Variants in CNOT3 observed in about 807,000 individuals in gnomAD.
CNOT3 encodes the protein CCR4-NOT transcription complex subunit 3, also known as CCR4-associated factor 3.
In CNOT3, 2 loss-of-function variants were observed where a neutral mutation model predicts 89.4. That is an observed-to-expected ratio of 0.02 (90% confidence interval 0.01 to 0.07). The LOEUF (loss-of-function observed/expected upper bound fraction) is 0.07, where lower values mean the gene tolerates loss of function less well. Ranked by LOEUF, CNOT3 falls within the 10% of genes least tolerant of loss-of-function variation. The probability of loss-of-function intolerance (pLI) is 1.00; values close to 1 mark genes in which losing one functional copy is unlikely to be tolerated. For synonymous variants in CNOT3, 486 were observed against 402.0 expected (o/e 1.21, Z -2.50); for missense variants, 664 against 1,010.2 (o/e 0.66, Z 4.65).
Position 54,148,599 on chromosome 19 carries a change from C to A in CNOT3, c.1283-21C>A. On this transcript the variant is annotated intron_variant, in intron 11 of 17. Transcript: ENST00000221232. This position sits in a 1 kb window ranked among gnomAD's most constrained non-coding sequence, Gnocchi z 6.3. ...GCTGGGCAGCAGGCAGCAGCCCTTT[C>A]CATTTACTCTTTGTTCCCAGGTTAC... 6.2e-7 allele frequency: 1 copy of A among 1,605,688 alleles called. No homozygotes were observed. Among genetic ancestry groups the A allele is most frequent in the South Asian group, 1.1e-5 (1 of 89,860 alleles).
rs1178087717 is a variant in CNOT3 at position 54,144,424 on chromosome 19, T to C, written c.483+92T>C. On this transcript the variant is annotated intron_variant, in intron 7 of 17. Coordinates refer to ENST00000221232, the MANE Select transcript of CNOT3 (RefSeq NM_014516.4). This position sits in a 1 kb window ranked among gnomAD's most constrained non-coding sequence, Gnocchi z 4.8. Reference sequence around the variant, plus strand: ...GCCAGTCATTTATGCTCCTGGGAGTTGGGGCCTGGATTCCTCAGGCGGACA... The same window carrying C: ...GCCAGTCATTTATGCTCCTGGGAGTCGGGGCCTGGATTCCTCAGGCGGACA... The C allele has an allele frequency of 5.3e-6, 5 of 940,172 alleles. No individual in the cohort carries two copies. Among genetic ancestry groups the C allele is most frequent in the Admixed American group, 2.0e-5 (1 of 50,578 alleles). 58.2% of individuals were successfully genotyped at this position (940,172 alleles called of 1,614,324 possible).
Position 54,142,949 on chromosome 19 carries a change from T to G in CNOT3, c.-30T>G. On this transcript the variant is annotated 5_prime_UTR_variant, in exon 2 of 18. It removes an upstream start codon present in the reference 5' UTR. Coordinates refer to ENST00000221232, the MANE Select transcript of CNOT3 (RefSeq NM_014516.4). ...AGCAGCGTCCGTCTCCAAGAGAGTA[T>G]GAAGAGAGTGCGTCTGTAGGGCAGG... 1 of 1,612,590 alleles carries G rather than the reference T, an allele frequency of 6.2e-7. No individual in the cohort carries two copies. Among genetic ancestry groups the G allele is most frequent in the Non-Finnish European group, 8.5e-7 (1 of 1,178,852 alleles).
intron 17 of CNOT3, chr19:54,155,011 C>T (rs1302010365): frequency 4.2e-6 from 2 of 476,708 alleles, no homozygotes; most frequent in Non-Finnish European, 7.5e-6. Context: ...TCAAAAGCCA[C>T]AGCCCTCGAG....
intron 1 of CNOT3, 52 bp from the exon 2 acceptor site, chr19:54,142,877 T>C (rs2074509882): frequency 8.0e-7 from 1 of 1,252,130 alleles, no homozygotes; most frequent in East Asian, 2.3e-5. Flanking sequence ...TGTCTCTGGG[T>C]TTTTACCAGC....
At chr19:54,143,230 G>C (rs1440074821) in intron 3 of CNOT3, 44 bp downstream of exon 3, 16 of 1,571,912 alleles carry the variant, frequency 1.0e-5, no homozygotes, top group African/African-American at 1.4e-5. Context: ...TCAGAGAGGA[G>C]GGCACAGGAA....
At position 54,155,406 on chromosome 19, in the gene CNOT3, G is replaced by T. The variant is rs1289689196; in HGVS notation, c.2261G>T (p.Ter754LeuextTer20). ...YRYLEDRDLQ[*>L] ...TACCTGGAGGACCGGGACCTCCAGT[G>T]ACACCGGCCCCTCCCTCTACCCACC... Residue 754 changes from the stop codon to leucine, a stop_lost, in exon 18 of 18, where the codon TGA becomes TTA. Coordinates refer to ENST00000221232, the MANE Select transcript of CNOT3 (RefSeq NM_014516.4). The T allele has an allele frequency of 6.3e-7, 1 of 1,591,152 alleles. No homozygotes were observed. Among genetic ancestry groups the T allele is most frequent in the Non-Finnish European group, 8.6e-7 (1 of 1,164,398 alleles).
chr19:54,138,405 T>C (rs2074306840), intron 1 of CNOT3, among the ~76,000 whole-genome samples: 1 of 152,074 alleles, frequency 6.6e-6, no homozygotes, highest in Non-Finnish European at 1.5e-5. Context: ...TGGTCCCAGG[T>C]GCCCGCCCTC....
intron 13 of CNOT3, among the ~76,000 whole-genome samples, chr19:54,150,432 G>A (rs1309094998): frequency 1.3e-5 from 2 of 152,208 alleles, no homozygotes; most frequent in African/African-American, 4.8e-5. Flanking sequence ...AGGAGACAGT[G>A]CCACCAGCTG....
intron 13 of CNOT3, among the ~76,000 whole-genome samples, chr19:54,150,625 C>T (rs587766252): frequency 7.7e-5 from 10 of 129,074 alleles, no homozygotes; most frequent in African/African-American, 1.2e-4. Context: ...AGGCAGTGTG[C>T]GCGCCCAGGC....
chr19:54,150,852 G>T (rs2075054589), intron 13 of CNOT3, among the ~76,000 whole-genome samples: 1 of 151,530 alleles, frequency 6.6e-6, no homozygotes, highest in Non-Finnish European at 1.5e-5. Flanking sequence ...GTGCAGTGGT[G>T]CAATCTCAGC....
rs770687247 is a variant in CNOT3, at chr19:54,153,317, C to T, written c.2037+318C>T. The stretch of plus-strand genomic sequence containing the variant: ...CTCCAGCAGCCCCAGTCTAGGCCGA[C>T]CCCACTCTGCTCATTGGCACATTCT... On this transcript the variant is annotated intron_variant, in intron 16 of 17. Transcript: ENST00000221232. 7 of 762,036 alleles carry T rather than the reference C, an allele frequency of 9.2e-6. No homozygotes were observed. In the South Asian group the frequency reaches 9.5e-5, roughly 10 times the overall value. 47.2% of individuals were successfully genotyped at this position (762,036 alleles called of 1,614,324 possible).
intron 13 of CNOT3, among the ~76,000 whole-genome samples, chr19:54,151,088 G>C (rs2075072923): frequency 6.6e-6 from 1 of 152,166 alleles, no homozygotes; most frequent in South Asian, 2.1e-4. Flanking sequence ...ACCGTGCCCG[G>C]CCCAAATTTT....
Position 54,148,474 on chromosome 19 carries a change from G to GC in CNOT3, c.1221_1222insC (p.Ser408GlnfsTer5). Reference sequence around the variant, plus strand: ...GAGGCGGCGGCAGCGGAGGCGGAGGGAGCAGCAGCAGTAGTAACAGCAGTG... The same window carrying GC: ...GAGGCGGCGGCAGCGGAGGCGGAGGGCAGCAGCAGCAGTAGTAACAGCAGTG... On this transcript the variant is annotated frameshift_variant, in exon 11 of 18. Coordinates refer to ENST00000221232, the MANE Select transcript of CNOT3 (RefSeq NM_014516.4). LOFTEE classifies it high-confidence loss of function. This position sits in a 1 kb window ranked among gnomAD's most constrained non-coding sequence, Gnocchi z 6.3. 6.4e-7 allele frequency: 1 copy of GC among 1,561,136 alleles called. No homozygotes were observed. Among genetic ancestry groups the GC allele is most frequent in the Admixed American group, 1.8e-5 (1 of 55,920 alleles).
intron 16 of CNOT3, chr19:54,153,210 C>T: frequency 1.3e-6 from 1 of 764,630 alleles, no homozygotes; most frequent in East Asian, 2.4e-5. Flanking sequence ...CTTGGGTTGA[C>T]AGCGAGGCTG....
Position 54,152,956 on chromosome 19 carries a change from G to A in CNOT3, c.1994G>A (p.Arg665His), listed in dbSNP as rs949030155. 4 of 1,608,588 alleles carry A rather than the reference G, an allele frequency of 2.5e-6. No individual in the cohort carries two copies. The highest frequency in any genetic ancestry group is 2.5e-6 in the Non-Finnish European group (3 of 1,176,744). ...TCGGACACTGTGGAATTCTACCAGC[G>A]CCTGTCGACCGAGACACTCTTCTTC... ...PHSDTVEFYQ[R>H]LSTETLFFIF... Residue 665 changes from arginine (R) to histidine (H), a missense_variant, in exon 16 of 18, where the codon CGC (arginine) becomes CAC (histidine). Arg to His is a conservative substitution (Grantham distance 29, BLOSUM62 0). This residue lies in a region of CNOT3 where 15 missense variants were observed against 32.7 expected (regional missense o/e 0.46). Coordinates refer to ENST00000221232, the MANE Select transcript of CNOT3 (RefSeq NM_014516.4).
rs766812378 is a variant in CNOT3 at position 54,143,183 on chromosome 19, G to T, written c.90G>T (p.Gln30His). 6.2e-7 allele frequency: 1 copy of T among 1,613,426 alleles called. No individual in the cohort carries two copies. The highest frequency in any genetic ancestry group is 8.5e-7 in the Non-Finnish European group (1 of 1,179,516). The change falls in exon 3 of 18, where the codon CAG becomes CAT. Residue 30 changes from glutamine to histidine, a missense_variant. By Grantham distance (24) the Gln-to-His change is conservative (BLOSUM62 0). Transcript: ENST00000221232. ...TGGAGCAGTTTGAAGATATTTGGCA[G>T]AAGGTACAGGGGCTGAGACCCTAAT... ...EGVEQFEDIW[Q>H]KLHNAANANQ...
At position 54,143,193 on chromosome 19, in the gene CNOT3, G is replaced by T; in HGVS notation, c.93+7G>T. The T allele has an allele frequency of 1.2e-6, 2 of 1,612,192 alleles. No homozygotes were observed. Among genetic ancestry groups the T allele is most frequent in the Non-Finnish European group, 1.7e-6 (2 of 1,178,490 alleles). The stretch of plus-strand genomic sequence containing the variant: ...TGAAGATATTTGGCAGAAGGTACAG[G>T]GGCTGAGACCCTAATAATCTGGGTC... On this transcript the variant is annotated splice_region_variant and intron_variant, in intron 3 of 17. Coordinates refer to ENST00000221232, the MANE Select transcript of CNOT3 (RefSeq NM_014516.4).
intron 15 of CNOT3, 91 bp from the exon 16 acceptor site, chr19:54,152,776 C>G: frequency 1.2e-6 from 1 of 851,540 alleles, no homozygotes; most frequent in Non-Finnish European, 2.0e-6. Context: ...TTCTGTACCA[C>G]CTCCCCCCGC....
At chr19:54,153,959 A>T in intron 17 of CNOT3, 119 bp downstream of exon 17, 1 of 1,282,692 alleles carries the variant, frequency 7.8e-7, no homozygotes, top group Non-Finnish European at 1.1e-6. Flanking sequence ...GCAGTCCCTC[A>T]GCCTGACCAA....
Sources: allele counts gnomAD v4.1 joint callset (sites outside exome capture counted in the v4.1 genomes callset), GRCh38; gene constraint gnomAD v4.1.1; regional missense constraint gnomAD v4.1.1; non-coding constraint Gnocchi (gnomAD v3.1); transcripts MANE v1.5; gene names NCBI Gene and HGNC (gene_info 2026-07-23, HGNC 2026-07-21).